The following CTNNA3 variants were observed in gnomAD, a reference collection of about 807,000 sequenced individuals.
CTNNA3 encodes catenin alpha 3, also known as catenin alpha-3.
Under a neutral mutation model 95.7 loss-of-function variants are expected in CTNNA3, and 76 were observed. The ratio of observed to expected loss-of-function variants is 0.79; its 90% confidence interval spans 0.66 to 0.96. CTNNA3 has a LOEUF of 0.96. Ranked by LOEUF, CTNNA3 falls within the 40% of genes least tolerant of loss-of-function variation. The pLI is 0.00. For synonymous variants in CTNNA3, 431 were observed against 374.4 expected, an observed-to-expected ratio of 1.15 and a Z score of -1.74; for missense variants, 1,191 against 1,089.8, an observed-to-expected ratio of 1.09 and a Z score of -1.31.
At chr10:66,012,815 T>C (rs569116786) in intron 15 of CTNNA3, among the ~76,000 whole-genome samples, 1 of 152,346 alleles carries the variant, frequency 6.6e-6, no homozygotes, top group South Asian at 2.1e-4. Flanking sequence ...ATTGACAGCT[T>C]TAACTATCAG....
chr10:66,998,586 G>A (rs1851497322), intron 7 of CTNNA3, among the ~76,000 whole-genome samples: 1 of 152,120 alleles, frequency 6.6e-6, no homozygotes, highest in African/African-American at 2.4e-5. Context: ...TGAGACACTT[G>A]TAGAGAGGCA....
At chr10:66,043,127 G>A (rs1158785349) in intron 15 of CTNNA3, among the ~76,000 whole-genome samples, 2 of 90,964 alleles carry the variant, frequency 2.2e-5, no homozygotes, top group African/African-American at 4.0e-5. Flanking sequence ...GTAGCTATCC[G>A]GGTAATGAAA....
intron 13 of CTNNA3, among the ~76,000 whole-genome samples, chr10:66,182,427 T>A (rs961492518): frequency 1.3e-5 from 2 of 152,086 alleles, no homozygotes; most frequent in Non-Finnish European, 2.9e-5. Context: ...AGCTATTTTT[T>A]AATATTTTTA....
rs149636592 is a variant in CTNNA3, at chr10:66,978,061, TATATATACAC to T, written c.1047+202246_1047+202255del. ...AAATAAATTTGCACACACATATATATATATATACACACACACACACACACACACACATGCG... is the reference window on the plus strand; with the variant it reads ...AAATAAATTTGCACACACATATATATACACACACACACACACACACATGCG... On this transcript the variant is annotated intron_variant, in intron 7 of 17. Coordinates refer to ENST00000433211, the MANE Select transcript of CTNNA3 (RefSeq NM_013266.4). Among the ~76,000 whole-genome samples the T allele has an allele frequency of 4.1e-3, 81 of 19,748 alleles. 1 individual carries two copies. Among genetic ancestry groups the T allele is most frequent in the Admixed American group, 0.039 (47 of 1,204 alleles). 13.0% of individuals were successfully genotyped at this position (19,748 alleles called of 152,430 possible).
chr10:66,760,731 C>T (rs1466270922), intron 9 of CTNNA3, among the ~76,000 whole-genome samples: 2 of 152,062 alleles, frequency 1.3e-5, no homozygotes, highest in African/African-American at 2.4e-5. Context: ...AGGAACTCAC[C>T]GTGCATTTGG....
chr10:66,197,326 C>A (rs2087025208), intron 13 of CTNNA3, among the ~76,000 whole-genome samples: 1 of 148,420 alleles, frequency 6.7e-6, no homozygotes, highest in Admixed American at 6.9e-5. Flanking sequence ...TTTAAGAACT[C>A]AATCCAAATC....
rs141523933 is a variant in CTNNA3 at position 67,451,995 on chromosome 10, G to A, written c.579+69847C>T. On this transcript the variant is annotated intron_variant, in intron 5 of 17. Transcript: ENST00000433211. ...CATGCAAACACATAGTTAGAGTTCCGAAGGAAATAAGGAAGGAAGAATAGG... is the reference window on the plus strand; with the variant it reads ...CATGCAAACACATAGTTAGAGTTCCAAAGGAAATAAGGAAGGAAGAATAGG... Among the ~76,000 whole-genome samples, 12 of 141,612 alleles carry A rather than the reference G, an allele frequency of 8.5e-5. No homozygotes were observed. The East Asian group carries it at 9.8e-4, about 12-fold the overall frequency. 92.9% of individuals were successfully genotyped at this position (141,612 alleles called of 152,430 possible).
At chr10:67,016,483 AG>A (rs1332442534) in intron 7 of CTNNA3, among the ~76,000 whole-genome samples, 1 of 152,176 alleles carries the variant, frequency 6.6e-6, no homozygotes, top group Admixed American at 6.5e-5. Flanking sequence ...CTGGGCTGAA[AG>A]ACAAAGTGGT....
chr10:66,482,215 A>G (rs546075445), intron 11 of CTNNA3, among the ~76,000 whole-genome samples: 2 of 152,212 alleles, frequency 1.3e-5, no homozygotes, highest in Non-Finnish European at 1.5e-5. Flanking sequence ...TGAGCATATC[A>G]TATTGAAAAC....
chr10:66,100,934 G>A (rs1042277932), intron 14 of CTNNA3, among the ~76,000 whole-genome samples: 60 of 151,866 alleles, frequency 4.0e-4, no homozygotes, highest in Non-Finnish European at 3.8e-4. Flanking sequence ...AGTCTTCATC[G>A]TCTACAAGTG....
chr10:66,307,278 T>C (rs2091947732), intron 12 of CTNNA3, among the ~76,000 whole-genome samples: 1 of 152,192 alleles, frequency 6.6e-6, no homozygotes, highest in Non-Finnish European at 1.5e-5. Flanking sequence ...TCTTTAATGA[T>C]GTAAAATAAA....
chr10:66,706,038 G>C (rs1055298462), intron 9 of CTNNA3, among the ~76,000 whole-genome samples: 23 of 152,002 alleles, frequency 1.5e-4, no homozygotes, highest in African/African-American at 5.6e-4. Context: ...ATCAGTCCCT[G>C]ACTGTACTTC....
At chr10:67,173,944 G>T (rs1862126755) in intron 7 of CTNNA3, among the ~76,000 whole-genome samples, 1 of 152,174 alleles carries the variant, frequency 6.6e-6, no homozygotes, top group South Asian at 2.1e-4. Flanking sequence ...GAAGGCAAAT[G>T]ACAAAGGGCT....
At chr10:67,003,478 T>C (rs1851795612) in intron 7 of CTNNA3, among the ~76,000 whole-genome samples, 1 of 152,208 alleles carries the variant, frequency 6.6e-6, no homozygotes, top group African/African-American at 2.4e-5. Context: ...CAAGATCGAA[T>C]ACTTTTGGGA....
chr10:66,667,974 T>C (rs903187055), intron 9 of CTNNA3, among the ~76,000 whole-genome samples: 9 of 152,120 alleles, frequency 5.9e-5, no homozygotes, highest in African/African-American at 2.2e-4. Context: ...ATGATAAAAA[T>C]AAATTGTTTG....
At chr10:66,279,209 G>T (rs1033841419) in intron 13 of CTNNA3, among the ~76,000 whole-genome samples, 2 of 151,858 alleles carry the variant, frequency 1.3e-5, no homozygotes, top group African/African-American at 4.8e-5. Flanking sequence ...TCTTTACAAG[G>T]TCCACAAATG....
chr10:66,177,435 A>C (rs537584047), intron 13 of CTNNA3, among the ~76,000 whole-genome samples: 2 of 152,144 alleles, frequency 1.3e-5, no homozygotes, highest in South Asian at 4.1e-4. Context: ...TTCAAGAACA[A>C]CACTGCATTT....
intron 9 of CTNNA3, among the ~76,000 whole-genome samples, chr10:66,742,290 G>A (rs147184402): frequency 0.015 from 2,239 of 152,258 alleles, 21 homozygotes; most frequent in Non-Finnish European, 0.025. Context: ...GGCTTATTAG[G>A]ATCAGGAAAT....
At chr10:66,520,245 C>CTTTTTTTTTTTTTTTTTTT (rs543882241) in intron 11 of CTNNA3, among the ~76,000 whole-genome samples, 1 of 78,012 alleles carries the variant, frequency 1.3e-5, no homozygotes, top group Non-Finnish European at 2.3e-5. Flanking sequence ...TAGTATTATT[C>CTTTTTTTTTTTTTTTTTTT]TTTTTTTTTT....
Sources: allele counts gnomAD v4.1 joint callset (sites outside exome capture counted in the v4.1 genomes callset), GRCh38; gene constraint gnomAD v4.1.1; transcripts MANE v1.5; gene names NCBI Gene and HGNC (gene_info 2026-07-23, HGNC 2026-07-21).